Variants in PCDHGA9 observed in about 807,000 individuals in gnomAD.
PCDHGA9 encodes the protein protocadherin gamma subfamily A, 9, also known as protocadherin gamma-A9.
In PCDHGA9, 37 loss-of-function variants were observed where a neutral mutation model predicts 62.5. That is an observed-to-expected ratio of 0.59 (90% CI 0.46 to 0.78). The LOEUF is 0.78. Among genes scored for constraint, PCDHGA9 ranks in the 30% least tolerant of loss-of-function variants. The pLI, the probability that PCDHGA9 is intolerant of heterozygous loss-of-function variation, is 0.00. For missense variants in PCDHGA9, 1,138 were observed against 1,166.2 expected (o/e 0.98, Z 0.35); for synonymous variants, 459 against 484.6 (o/e 0.95, Z 0.69).
intron 1 of PCDHGA9, chr5:141,418,374 T>C: frequency 1.2e-6 from 2 of 1,613,968 alleles, no homozygotes; most frequent in Non-Finnish European, 1.7e-6. Flanking sequence ...AAATACCAAC[T>C]AAGTCCTAAC....
At chr5:141,410,340 T>G in intron 1 of PCDHGA9, 1 of 1,614,068 alleles carries the variant, frequency 6.2e-7, no homozygotes, top group Non-Finnish European at 8.5e-7. Flanking sequence ...GCCATTGCCT[T>G]GCGCCTGCGA....
In PCDHGA9 at chr5:141,417,676, C is replaced by G. The variant is rs902104404; in HGVS notation, c.2424+12300C>G. The G allele has an allele frequency of 1.7e-5, 17 of 993,450 alleles. No individual in the cohort carries two copies. The African/African-American group carries it at 2.8e-4, about 16-fold the overall frequency. The allele number at this position is 993,450 out of a possible 1,614,324, so 61.5% of individuals were successfully genotyped here. ...AGCCTGGGATTCCCTGCGCAGCCAACAACAGAAAAGAAAACCAGCTCCCAC... is the reference window on the plus strand; with the variant it reads ...AGCCTGGGATTCCCTGCGCAGCCAAGAACAGAAAAGAAAACCAGCTCCCAC... On this transcript the variant is annotated intron_variant, in intron 1 of 3. Transcript: ENST00000573521.
chr5:141,490,249 C>T lies in PCDHGA9; in HGVS notation c.2425-4558C>T, dbSNP rs2099697737. On this transcript the variant is annotated intron_variant, in intron 1 of 3. Coordinates refer to ENST00000573521, the MANE Select transcript of PCDHGA9 (RefSeq NM_018921.3). The surrounding 1 kb of genome is among the most constrained non-coding windows in gnomAD (Gnocchi z 5.4). ...TGCCATGGAGGGCCACTGTGTGATT[C>T]AAGTGGATGTGGGGGATGTCAATGA... The T allele has an allele frequency of 1.2e-6, 2 of 1,614,218 alleles. No individual in the cohort carries two copies. The highest frequency in any genetic ancestry group is 1.7e-6 in the Non-Finnish European group (2 of 1,180,044).
intron 1 of PCDHGA9, chr5:141,414,638 A>G: frequency 6.2e-7 from 1 of 1,613,988 alleles, no homozygotes; most frequent in Non-Finnish European, 8.5e-7. Flanking sequence ...AGCAAAGAGA[A>G]TGCCCAGATT....
intron 1 of PCDHGA9, among the ~76,000 whole-genome samples, chr5:141,457,698 G>C (rs1008393847): frequency 7.9e-5 from 12 of 152,234 alleles, no homozygotes; most frequent in Admixed American, 5.2e-4. Flanking sequence ...GATTGGCTTT[G>C]ATGAAACACT....
At chr5:141,467,361 G>T (rs555435172) in intron 1 of PCDHGA9, among the ~76,000 whole-genome samples, 2 of 151,742 alleles carry the variant, frequency 1.3e-5, no homozygotes, top group Non-Finnish European at 2.9e-5. Flanking sequence ...CCAAATCAAC[G>T]TTTTCTTATA....
At chr5:141,430,641 T>C (rs1332550435) in intron 1 of PCDHGA9, 2 of 902,672 alleles carry the variant, frequency 2.2e-6, no homozygotes, top group East Asian at 5.4e-5. Flanking sequence ...TCCCTGGGAG[T>C]ATGTGGAAAC....
At position 141,430,677 on chromosome 5, in the gene PCDHGA9, T is replaced by C. The variant is rs888907330; in HGVS notation, c.2424+25301T>C. On this transcript the variant is annotated intron_variant, in intron 1 of 3. Coordinates refer to ENST00000573521, the MANE Select transcript of PCDHGA9 (RefSeq NM_018921.3). ...AACGGAGGAGCTCTGACTTCCCAAC[T>C]GTCCCATTCTATGGGCGAAGGAACT... 1.2e-5 allele frequency: 15 copies of C among 1,303,020 alleles called. No individual in the cohort carries two copies. In the African/African-American group the frequency reaches 2.1e-4, roughly 18 times the overall value. The allele number at this position is 1,303,020 out of a possible 1,614,324, so 80.7% of individuals were successfully genotyped here. A position where few individuals can be genotyped will look rare whatever the true frequency, so the allele number is the denominator to read the frequency against.
At chr5:141,474,419 A>AT (rs1348108901) in intron 1 of PCDHGA9, among the ~76,000 whole-genome samples, 1 of 152,204 alleles carries the variant, frequency 6.6e-6, no homozygotes, top group Non-Finnish European at 1.5e-5. Context: ...TGCCTAGACC[A>AT]TTGGTCCTCA....
intron 1 of PCDHGA9, among the ~76,000 whole-genome samples, chr5:141,474,096 CAACAAA>C (rs1262341033): frequency 1.3e-5 from 2 of 152,078 alleles, no homozygotes; most frequent in African/African-American, 4.8e-5. Context: ...AAACAAACAA[CAACAAA>C]AACAACAACA....
rs2099694486 is a variant in PCDHGA9 at position 141,489,987 on chromosome 5, G to A, written c.2425-4820G>A. The A allele has an allele frequency of 1.2e-6, 2 of 1,614,106 alleles. No homozygotes were observed. The highest frequency in any genetic ancestry group is 1.3e-5 in the African/African-American group (1 of 74,932). The stretch of plus-strand genomic sequence containing the variant: ...CCTTCCAATCCTCAGTTCTACGTGT[G>A]GGAATCCCAGAGAATGCACCCATTG... On this transcript the variant is annotated intron_variant, in intron 1 of 3. Coordinates refer to ENST00000573521, the MANE Select transcript of PCDHGA9 (RefSeq NM_018921.3). The surrounding 1 kb of genome is among the most constrained non-coding windows in gnomAD (Gnocchi z 4.5).
chr5:141,433,361 A>ATCTATCTATCTC, intron 1 of PCDHGA9: 1 of 297,578 alleles, frequency 3.4e-6, no homozygotes, highest in Non-Finnish European at 6.3e-6. Context: ...CTGTCTGCCT[A>ATCTATCTATCTC]TCTATCTATC....
At chr5:141,419,325 A>C in intron 1 of PCDHGA9, 1 of 1,613,702 alleles carries the variant, frequency 6.2e-7, no homozygotes, top group African/African-American at 1.3e-5. Flanking sequence ...CGTGTCTCCT[A>C]CTCTCTCATT....
chr5:141,474,908 T>C (rs1016814167), intron 1 of PCDHGA9, among the ~76,000 whole-genome samples: 7 of 152,242 alleles, frequency 4.6e-5, no homozygotes, highest in African/African-American at 1.4e-4. Flanking sequence ...TGTTCAAGGA[T>C]ATACATCTCA....
chr5:141,494,818 C>T lies in PCDHGA9; in HGVS notation c.2436C>T (p.Pro812=). The part of the protein sequence containing the change: ...EDTPLVPQAP[P]NTDWRFSQAQ... ...TGTTTTCTCCACAGCAAGCCCCGCCCAACACGGACTGGCGTTTCTCTCAGG... is the reference window on the plus strand; with the variant it reads ...TGTTTTCTCCACAGCAAGCCCCGCCTAACACGGACTGGCGTTTCTCTCAGG... Residue 812 remains proline (P), a synonymous_variant, in exon 2 of 4, where the codon CCC becomes CCT. Transcript: ENST00000573521. 1.9e-6 allele frequency: 3 copies of T among 1,614,152 alleles called. No homozygotes were observed. The highest frequency in any genetic ancestry group is 2.2e-5 in the South Asian group (2 of 91,074).
intron 1 of PCDHGA9, chr5:141,415,481 A>G: frequency 1.9e-6 from 3 of 1,614,114 alleles, no homozygotes; most frequent in Non-Finnish European, 1.7e-6. Flanking sequence ...GACTCGCGAA[A>G]GAGTCACCTG....
chr5:141,484,333 A>T (rs1019527273), intron 1 of PCDHGA9, among the ~76,000 whole-genome samples: 2 of 152,198 alleles, frequency 1.3e-5, no homozygotes, highest in Non-Finnish European at 2.9e-5. Flanking sequence ...CCTTGAAATC[A>T]ATGAATGGTA....
chr5:141,438,714 G>A (rs1051491309), intron 1 of PCDHGA9, among the ~76,000 whole-genome samples: 1 of 147,786 alleles, frequency 6.8e-6, no homozygotes, highest in South Asian at 2.2e-4. Flanking sequence ...AGGCTGGAGT[G>A]CAAGTGGTGT....
intron 1 of PCDHGA9, among the ~76,000 whole-genome samples, chr5:141,446,719 G>C (rs899985752): frequency 2.6e-5 from 4 of 152,056 alleles, no homozygotes; most frequent in Admixed American, 1.3e-4. Flanking sequence ...TGCCCGCCTC[G>C]GCCTCCCAAA....
Sources: gnomAD v4.1 joint callset for allele counts (sites outside exome capture counted in the v4.1 genomes callset) on GRCh38, gnomAD v4.1.1 for gene constraint, Gnocchi (gnomAD v3.1) non-coding constraint, MANE v1.5 for transcripts, NCBI Gene and HGNC (gene_info 2026-07-23, HGNC 2026-07-21) for gene names.